Variants in MEGF11 observed in about 807,000 individuals in gnomAD.
MEGF11 encodes multiple EGF like domains 11, also known as multiple epidermal growth factor-like domains protein 11.
In MEGF11, 126 loss-of-function variants were observed where a neutral mutation model predicts 146.6. That is an observed-to-expected ratio of 0.86 (90% confidence interval 0.74 to 1.00). The LOEUF is 1.00. MEGF11 is among the 50% of genes least tolerant of loss of function. The pLI is 0.00. For missense variants in MEGF11, 1,509 were observed against 1,521.2 expected (o/e 0.99, Z 0.13); for synonymous variants, 532 against 583.4 (o/e 0.91, Z 1.27).
chr15:66,120,569 C>T (rs990163521), intron 3 of MEGF11, among the ~76,000 whole-genome samples: 8 of 152,184 alleles, frequency 5.3e-5, no homozygotes, highest in Non-Finnish European at 1.5e-5. Flanking sequence ...ACAACCCTCC[C>T]ACACCTTAAA....
intron 18 of MEGF11, among the ~76,000 whole-genome samples, 158 bp downstream of exon 18, chr15:65,915,990 A>G (rs1252523757): frequency 6.6e-6 from 1 of 152,232 alleles, no homozygotes; most frequent in Non-Finnish European, 1.5e-5. Context: ...TAATGTAGGC[A>G]TGACCTTCCT....
intron 1 of MEGF11, among the ~76,000 whole-genome samples, chr15:66,176,585 A>G (rs1180117039): frequency 6.6e-6 from 1 of 152,248 alleles, no homozygotes; most frequent in African/African-American, 2.4e-5. Context: ...ACACACGGCT[A>G]GTGGCTACTG....
intron 1 of MEGF11, among the ~76,000 whole-genome samples, chr15:66,155,267 C>T (rs371460369): frequency 2.2e-4 from 34 of 152,298 alleles, no homozygotes; most frequent in Admixed American, 4.6e-4. Context: ...CCCCACCCCC[C>T]GCTATGGGGT....
intron 1 of MEGF11, among the ~76,000 whole-genome samples, chr15:66,197,213 T>TTG (rs1224353251): frequency 6.6e-6 from 1 of 152,218 alleles, no homozygotes; most frequent in Non-Finnish European, 1.5e-5. Context: ...TCTGTCTCAT[T>TTG]TGTGCTTCCT....
At chr15:66,046,051 C>T (rs1224275886) in intron 5 of MEGF11, among the ~76,000 whole-genome samples, 7 of 151,678 alleles carry the variant, frequency 4.6e-5, no homozygotes, top group African/African-American at 1.7e-4. Context: ...TGCAGTGAGC[C>T]GAGATCCCAC....
At chr15:66,232,549 C>G (rs545465205) in intron 1 of MEGF11, among the ~76,000 whole-genome samples, 2 of 152,252 alleles carry the variant, frequency 1.3e-5, no homozygotes, top group South Asian at 2.1e-4. Context: ...AATCCTAGCT[C>G]TCTCCTCTAA....
intron 3 of MEGF11, among the ~76,000 whole-genome samples, chr15:66,123,210 T>C (rs1294582040): frequency 6.6e-6 from 1 of 152,198 alleles, no homozygotes. Context: ...ACATATAATC[T>C]GCAGGAGGGC....
intron 18 of MEGF11, 57 bp downstream of exon 18, chr15:65,916,091 C>T (rs1720943881): frequency 1.3e-6 from 2 of 1,517,620 alleles, no homozygotes. Context: ...GAGCCATCCT[C>T]TGCAGGAGGG....
intron 1 of MEGF11, among the ~76,000 whole-genome samples, chr15:66,183,724 G>A (rs926090410): frequency 3.9e-5 from 6 of 152,028 alleles, no homozygotes; most frequent in East Asian, 3.9e-4. Flanking sequence ...CCTGGGGATC[G>A]GGGATCCTGT....
At chr15:65,980,395 CTTTTT>C (rs60154748) in intron 7 of MEGF11, among the ~76,000 whole-genome samples, 1 of 88,184 alleles carries the variant, frequency 1.1e-5, no homozygotes. Context: ...AAGAATTCAG[CTTTTT>C]TTTTTTTTTT....
At chr15:66,021,083 A>C (rs1335899056) in intron 5 of MEGF11, among the ~76,000 whole-genome samples, 2 of 150,528 alleles carry the variant, frequency 1.3e-5, no homozygotes, top group Non-Finnish European at 2.9e-5. Context: ...TTGGGTCTCC[A>C]CACCGTCCAG....
intron 5 of MEGF11, among the ~76,000 whole-genome samples, chr15:66,077,592 TAA>T (rs2085646230): frequency 6.6e-6 from 1 of 152,260 alleles, no homozygotes; most frequent in East Asian, 1.9e-4. Flanking sequence ...AGATTCCATG[TAA>T]CACTGCTTAG....
chr15:65,906,100 C>T lies in MEGF11; in HGVS notation c.3040G>A (p.Asp1014Asn). The change falls in exon 24 of 26, where the codon GAC becomes AAC. Residue 1014 changes from aspartate to asparagine, a missense_variant. Coordinates refer to ENST00000395614, the MANE Select transcript of MEGF11 (RefSeq NM_001385028.1). Reference sequence around the variant, plus strand: ...GATACTCTACCTTTGAAGCCTTTGTCCATAATGTATGTGTTCTGACGTCTA... The same window carrying T: ...GATACTCTACCTTTGAAGCCTTTGTTCATAATGTATGTGTTCTGACGTCTA... ...MDRRQNTYIMDKGFKDYMKES... is the reference protein window; with the variant it reads ...MDRRQNTYIMNKGFKDYMKES... 1.2e-6 allele frequency: 2 copies of T among 1,611,092 alleles called. No individual in the cohort carries two copies. The highest frequency in any genetic ancestry group is 1.7e-6 in the Non-Finnish European group (2 of 1,178,530).
chr15:66,170,796 G>A (rs1597133572), intron 1 of MEGF11, among the ~76,000 whole-genome samples: 1 of 151,110 alleles, frequency 6.6e-6, no homozygotes, highest in African/African-American at 2.4e-5. Context: ...CCACAAGCAC[G>A]GCCCTCAGCT....
chr15:66,196,528 G>C (rs893240440), intron 1 of MEGF11, among the ~76,000 whole-genome samples: 1 of 152,148 alleles, frequency 6.6e-6, no homozygotes, highest in Admixed American at 6.5e-5. Context: ...TAAGTGTGAC[G>C]AGAGCTACTG....
intron 1 of MEGF11, among the ~76,000 whole-genome samples, chr15:66,194,925 C>T (rs35960122): frequency 0.18 from 27,910 of 152,090 alleles, 2,751 homozygotes; most frequent in African/African-American, 0.23. Flanking sequence ...TTGGGCTTGT[C>T]GTCACTTGCT....
intron 1 of MEGF11, among the ~76,000 whole-genome samples, chr15:66,225,448 C>T (rs7163250): frequency 0.26 from 39,090 of 152,086 alleles, 5,362 homozygotes; most frequent in Non-Finnish European, 0.32. Context: ...GGGAGACCAG[C>T]GCTCAGTGGG....
At chr15:66,087,046 T>G (rs2086138686) in intron 5 of MEGF11, among the ~76,000 whole-genome samples, 1 of 152,084 alleles carries the variant, frequency 6.6e-6, no homozygotes, top group Non-Finnish European at 1.5e-5. Flanking sequence ...CAAAACAAAC[T>G]TTAAAACAAC....
At chr15:66,187,243 A>G (rs2090732840) in intron 1 of MEGF11, among the ~76,000 whole-genome samples, 1 of 152,222 alleles carries the variant, frequency 6.6e-6, no homozygotes. Flanking sequence ...GAATCTAGGA[A>G]CACGCCTGGC....
Sources: gnomAD v4.1 joint callset for allele counts (sites outside exome capture counted in the v4.1 genomes callset) on GRCh38, gnomAD v4.1.1 for gene constraint, MANE v1.5 for transcripts, NCBI Gene and HGNC (gene_info 2026-07-23, HGNC 2026-07-21) for gene names.